PRKN: variants seen among roughly 807,000 people sequenced by gnomAD.
PRKN encodes the protein parkin RBR E3 ubiquitin protein ligase.
PRKN carries 56 observed loss-of-function variants against 59.5 expected under a neutral mutation model. The observed-to-expected ratio is 0.94, with a 90% CI of 0.76 to 1.18. The LOEUF is 1.18. Ranked by LOEUF, PRKN falls within the 50% of genes most tolerant of loss-of-function variation. The pLI, the probability that PRKN is intolerant of heterozygous loss-of-function variation, is 0.00. For synonymous variants in PRKN, 250 were observed against 222.1 expected (o/e 1.13, Z -1.12); for missense variants, 657 against 596.4 (o/e 1.10, Z -1.06).
chr6:161,968,708 G>T (rs963323528), intron 6 of PRKN, among the ~76,000 whole-genome samples: 3 of 151,946 alleles, frequency 2.0e-5, no homozygotes, highest in Non-Finnish European at 4.4e-5. Context: ...ATAAAAAATA[G>T]ATTTAAAACA....
intron 2 of PRKN, among the ~76,000 whole-genome samples, chr6:162,423,275 C>A (rs1305734163): frequency 1.3e-5 from 2 of 149,920 alleles, no homozygotes; most frequent in Admixed American, 1.3e-4. Context: ...TAATGAACAA[C>A]AAGGAGATGA....
At position 162,123,003 on chromosome 6, in the gene PRKN, T is replaced by C. The variant is rs3898549; in HGVS notation, c.535-68829A>G. ...AGGTTTCCACCAGGAGAAACAAAAATAGTTAAAAAAAAAAAAAAAAGTTGA... is the reference window on the plus strand; with the variant it reads ...AGGTTTCCACCAGGAGAAACAAAAACAGTTAAAAAAAAAAAAAAAAGTTGA... On this transcript the variant is annotated intron_variant, in intron 4 of 11. Transcript: ENST00000366898. Among the ~76,000 whole-genome samples, 256 of 135,232 alleles carry C rather than the reference T, an allele frequency of 1.9e-3. 6 individuals are homozygous for C. In the East Asian group the frequency reaches 0.035, roughly 18 times the overall value. The allele number at this position is 135,232 out of a possible 152,430, so 88.7% of individuals were successfully genotyped here. A position where few individuals can be genotyped will look rare whatever the true frequency, so the allele number is the denominator to read the frequency against.
intron 7 of PRKN, among the ~76,000 whole-genome samples, chr6:161,645,243 CAA>C (rs11343414): frequency 0.035 from 4,725 of 133,908 alleles, 165 homozygotes; most frequent in African/African-American, 0.089. Flanking sequence ...AATAAATAGC[CAA>C]AAAAAAAAAA....
rs1779793622 is a variant in PRKN at position 161,546,345 on chromosome 6, C to T, written c.1083+2509G>A. 6.6e-6 allele frequency among the ~76,000 whole-genome samples: 1 copy of T among 152,130 alleles called. No individual in the cohort carries two copies. Among genetic ancestry groups the T allele is most frequent in the African/African-American group, 2.4e-5 (1 of 41,428 alleles). The stretch of plus-strand genomic sequence containing the variant: ...TTGTGAAGCCAGGGTTTGAACTTCA[C>T]ACATTCAACGCCACCCTTTTTAAAT... On this transcript the variant is annotated intron_variant, in intron 9 of 11. Coordinates refer to ENST00000366898, the MANE Select transcript of PRKN (RefSeq NM_004562.3). The surrounding 1 kb of genome is among the most constrained non-coding windows in gnomAD (Gnocchi z 4.4).
At chr6:162,609,249 C>G (rs898901663) in intron 1 of PRKN, among the ~76,000 whole-genome samples, 2 of 152,178 alleles carry the variant, frequency 1.3e-5, no homozygotes, top group Non-Finnish European at 2.9e-5. Context: ...TTTTGGTACC[C>G]AGACCACAAA....
At chr6:162,633,352 T>A (rs1777586297) in intron 1 of PRKN, among the ~76,000 whole-genome samples, 1 of 139,032 alleles carries the variant, frequency 7.2e-6, no homozygotes, top group Non-Finnish European at 1.5e-5. Flanking sequence ...GGAGAATCAG[T>A]TGAATCCAGG....
At chr6:162,154,902 T>C (rs552749424) in intron 4 of PRKN, among the ~76,000 whole-genome samples, 32 of 150,638 alleles carry the variant, frequency 2.1e-4, no homozygotes, top group Non-Finnish European at 3.5e-4. Flanking sequence ...TAAAAGGAAA[T>C]AGCTTAATTG....
At chr6:161,649,601 A>G (rs1180456743) in intron 7 of PRKN, among the ~76,000 whole-genome samples, 5 of 152,232 alleles carry the variant, frequency 3.3e-5, no homozygotes, top group Admixed American at 3.3e-4. Flanking sequence ...AAAAGGACAT[A>G]AGAGACTTTT....
chr6:161,486,494 G>C (rs1384503613), intron 9 of PRKN, among the ~76,000 whole-genome samples: 1 of 152,142 alleles, frequency 6.6e-6, no homozygotes, highest in Non-Finnish European at 1.5e-5. Flanking sequence ...TCTCACATAA[G>C]AGGTGAGTTA....
rs1274208114 is a variant in PRKN at position 161,456,252 on chromosome 6, T to A, written c.1084-69375A>T. On this transcript the variant is annotated intron_variant, in intron 9 of 11. Transcript: ENST00000366898. This position sits in a 1 kb window ranked among gnomAD's most constrained non-coding sequence, Gnocchi z 4.8. Reference sequence around the variant, plus strand: ...GAATCGGCTGCCAGTGCAGCTAAGATAAAAGCAGGCAGAAGGGTGTGGAAG... The same window carrying A: ...GAATCGGCTGCCAGTGCAGCTAAGAAAAAAGCAGGCAGAAGGGTGTGGAAG... Among the ~76,000 whole-genome samples, 7 of 152,194 alleles carry A rather than the reference T, an allele frequency of 4.6e-5. No homozygotes were observed. Among genetic ancestry groups the A allele is most frequent in the Admixed American group, 3.9e-4 (6 of 15,274 alleles).
At chr6:162,711,647 A>C (rs567214147) in intron 1 of PRKN, among the ~76,000 whole-genome samples, 5 of 152,284 alleles carry the variant, frequency 3.3e-5, no homozygotes, top group Non-Finnish European at 7.4e-5. Context: ...GATTGCAGCA[A>C]CTCAGTGACA....
chr6:161,937,650 A>G (rs546982221), intron 6 of PRKN, among the ~76,000 whole-genome samples: 1 of 152,360 alleles, frequency 6.6e-6, no homozygotes, highest in East Asian at 1.9e-4. Flanking sequence ...GGACTATGTT[A>G]CGATTTCTAG....
Position 161,860,696 on chromosome 6 carries a change from C to T in PRKN, c.735-74788G>A, listed in dbSNP as rs148453835. ...AAATTATCTCCCATTCTGTAGGTTG[C>T]CTGTTCACTCTGATTATAGTTTCTT... is the stretch of plus-strand genomic sequence containing the variant. On this transcript the variant is annotated intron_variant, in intron 6 of 11. Transcript: ENST00000366898. 3.9e-4 allele frequency among the ~76,000 whole-genome samples: 59 copies of T among 152,232 alleles called. No homozygotes were observed. The East Asian group carries it at 0.011, about 27-fold the overall frequency.
chr6:162,406,278 C>T (rs1788066560), intron 2 of PRKN, among the ~76,000 whole-genome samples: 2 of 152,272 alleles, frequency 1.3e-5, no homozygotes, highest in African/African-American at 4.8e-5. Flanking sequence ...AGTCAGATGG[C>T]TGCAAGAGTT....
At chr6:162,083,255 C>T (rs1009075084) in intron 4 of PRKN, among the ~76,000 whole-genome samples, 2 of 151,922 alleles carry the variant, frequency 1.3e-5, no homozygotes, top group Non-Finnish European at 2.9e-5. Context: ...ACAAAGATCC[C>T]CAATCACTCT....
At chr6:162,160,645 A>G (rs1782710662) in intron 4 of PRKN, among the ~76,000 whole-genome samples, 1 of 152,068 alleles carries the variant, frequency 6.6e-6, no homozygotes, top group African/African-American at 2.4e-5. Context: ...AAACGTCTGC[A>G]TGTGTGAGAG....
At chr6:162,684,363 T>C (rs1779887137) in intron 1 of PRKN, among the ~76,000 whole-genome samples, 1 of 152,128 alleles carries the variant, frequency 6.6e-6, no homozygotes, top group African/African-American at 2.4e-5. Context: ...TAAAAGTGTT[T>C]CAATGCCCCA....
At chr6:161,615,383 G>A (rs1304684820) in intron 7 of PRKN, among the ~76,000 whole-genome samples, 1 of 152,160 alleles carries the variant, frequency 6.6e-6, no homozygotes, top group Non-Finnish European at 1.5e-5. Flanking sequence ...TTCAGTGAAA[G>A]TTAAATATCT....
In PRKN at chr6:161,456,584, C is replaced by T. The variant is rs1416201104; in HGVS notation, c.1084-69707G>A. Reference sequence around the variant, plus strand: ...ATGCCCCTTCATATATTCATCTATCCAATTAGTTCTGTCCCTCTAGAGAAC... The same window carrying T: ...ATGCCCCTTCATATATTCATCTATCTAATTAGTTCTGTCCCTCTAGAGAAC... On this transcript the variant is annotated intron_variant, in intron 9 of 11. Transcript: ENST00000366898. This position sits in a 1 kb window ranked among gnomAD's most constrained non-coding sequence, Gnocchi z 4.8. 6.6e-6 allele frequency among the ~76,000 whole-genome samples: 1 copy of T among 152,020 alleles called. No homozygotes were observed. The highest frequency in any genetic ancestry group is 1.5e-5 in the Non-Finnish European group (1 of 68,018).
Sources: allele counts gnomAD v4.1 joint callset (sites outside exome capture counted in the v4.1 genomes callset), GRCh38; gene constraint gnomAD v4.1.1; non-coding constraint Gnocchi (gnomAD v3.1); transcripts MANE v1.5; gene names NCBI Gene and HGNC (gene_info 2026-07-23, HGNC 2026-07-21).